The following RAB31 variants were observed in gnomAD, a reference collection of about 807,000 sequenced individuals.
The protein encoded by RAB31 is RAB31, member RAS oncogene family.
RAB31 carries 21 observed loss-of-function variants against 25.6 expected under a neutral mutation model. That is an observed-to-expected ratio of 0.82 (90% confidence interval 0.58 to 1.18). RAB31 has a LOEUF of 1.18. RAB31 is among the 50% of genes most tolerant of loss of function. The pLI, the probability that RAB31 is intolerant of heterozygous loss-of-function variation, is 0.00. For missense variants in RAB31, 196 were observed against 250.1 expected (o/e 0.78, Z 1.46); for synonymous variants, 87 against 84.0 (o/e 1.04, Z -0.20).
chr18:9,805,403 A>T (rs77652521), intron 3 of RAB31, among the ~76,000 whole-genome samples: 24 of 152,156 alleles, frequency 1.6e-4, no homozygotes, highest in Non-Finnish European at 2.5e-4. Flanking sequence ...GACCACTCGC[A>T]TTCCTTGGCT....
intron 5 of RAB31, among the ~76,000 whole-genome samples, chr18:9,830,160 C>A (rs2143106137): frequency 6.6e-6 from 1 of 151,936 alleles, no homozygotes; most frequent in Non-Finnish European, 1.5e-5. Flanking sequence ...ACCACCATAC[C>A]CAGCTAATTT....
At chr18:9,788,510 T>C (rs185340795) in intron 2 of RAB31, among the ~76,000 whole-genome samples, 1 of 152,310 alleles carries the variant, frequency 6.6e-6, no homozygotes, top group East Asian at 1.9e-4. Flanking sequence ...TCAACAAAGC[T>C]AAAAATAGAA....
chr18:9,846,204 T>C (rs2143136722), intron 6 of RAB31, among the ~76,000 whole-genome samples: 1 of 152,268 alleles, frequency 6.6e-6, no homozygotes, highest in East Asian at 1.9e-4. Flanking sequence ...GTGAGCTAAT[T>C]AGGGAGGGTG....
At chr18:9,753,983 G>A (rs773261919) in intron 1 of RAB31, among the ~76,000 whole-genome samples, 4 of 149,908 alleles carry the variant, frequency 2.7e-5, no homozygotes, top group African/African-American at 4.9e-5. Context: ...TTCCAAGCCC[G>A]AGAAAAACTA....
Position 9,708,593 on chromosome 18 carries a change from G to A in RAB31, c.39+149G>A. The A allele has an allele frequency of 1.6e-6, 1 of 632,912 alleles. No homozygotes were observed. Among genetic ancestry groups the A allele is most frequent in the Non-Finnish European group, 2.4e-6 (1 of 410,256 alleles). 39.2% of individuals were successfully genotyped at this position (632,912 alleles called of 1,614,324 possible). A position where few individuals can be genotyped will look rare whatever the true frequency, so the allele number is the denominator to read the frequency against. On this transcript the variant is annotated intron_variant, in intron 1 of 6. Transcript: ENST00000578921. The surrounding 1 kb of genome is among the most constrained non-coding windows in gnomAD (Gnocchi z 6.4). ...CGTCCCCCTCGTCCGCGCGCCCCCT[G>A]GTTCCCCGGGTCCCCCTGGCTCCCC...
intron 3 of RAB31, among the ~76,000 whole-genome samples, chr18:9,798,520 G>A (rs1164220878): frequency 6.6e-6 from 1 of 152,148 alleles, no homozygotes; most frequent in Non-Finnish European, 1.5e-5. Context: ...TCATAGAAAT[G>A]TTATTGTTCT....
chr18:9,796,129 T>C lies in RAB31; in HGVS notation c.201+3894T>C, dbSNP rs565863261. ...TTGGAGACCATTATTCTAAATGAAG[T>C]AACATACTAAACATCGTATGTTATC... On this transcript the variant is annotated intron_variant, in intron 3 of 6. Coordinates refer to ENST00000578921, the MANE Select transcript of RAB31 (RefSeq NM_006868.4). Among the ~76,000 whole-genome samples the C allele has an allele frequency of 3.9e-5, 6 of 152,330 alleles. No homozygotes were observed. In the South Asian group the frequency reaches 1.2e-3, roughly 32 times the overall value.
At chr18:9,715,528 C>CTTTTTT (rs1161797158) in intron 1 of RAB31, among the ~76,000 whole-genome samples, 1 of 128,196 alleles carries the variant, frequency 7.8e-6, no homozygotes, top group Non-Finnish European at 1.6e-5. Flanking sequence ...CTCTCTCTCT[C>CTTTTTT]TTTTTTTTTT....
intron 2 of RAB31, among the ~76,000 whole-genome samples, chr18:9,789,815 G>A (rs1452917184): frequency 6.6e-6 from 1 of 152,126 alleles, no homozygotes; most frequent in Non-Finnish European, 1.5e-5. Flanking sequence ...AATAGATGTG[G>A]TTTTGATACT....
intron 1 of RAB31, among the ~76,000 whole-genome samples, chr18:9,742,230 A>G (rs899562261): frequency 3.9e-5 from 6 of 152,190 alleles, no homozygotes; most frequent in African/African-American, 1.4e-4. Flanking sequence ...ATTGCAGCGC[A>G]GAGTTGGTGG....
chr18:9,849,196 T>C (rs1315419170), intron 6 of RAB31, among the ~76,000 whole-genome samples: 1 of 152,182 alleles, frequency 6.6e-6, no homozygotes, highest in Non-Finnish European at 1.5e-5. Flanking sequence ...ACTTTTGGTT[T>C]GTTCTGCCAT....
chr18:9,787,738 A>G (rs1217325317), intron 2 of RAB31: 2 of 152,810 alleles, frequency 1.3e-5, no homozygotes, highest in Non-Finnish European at 1.5e-5. Context: ...AATTGACATC[A>G]GAGAGTCCAT....
At chr18:9,764,629 G>C (rs2068305741) in intron 1 of RAB31, among the ~76,000 whole-genome samples, 1 of 152,138 alleles carries the variant, frequency 6.6e-6, no homozygotes, top group South Asian at 2.1e-4. Flanking sequence ...TGTTTTTGTG[G>C]CTTCCATGCC....
chr18:9,783,686 C>T (rs1215046469), intron 2 of RAB31, among the ~76,000 whole-genome samples: 3 of 152,024 alleles, frequency 2.0e-5, no homozygotes, highest in Non-Finnish European at 4.4e-5. Flanking sequence ...AAATGTACTA[C>T]TACAAAAGTT....
At chr18:9,822,826 G>T (rs1041507353) in intron 5 of RAB31, among the ~76,000 whole-genome samples, 9 of 152,142 alleles carry the variant, frequency 5.9e-5, no homozygotes, top group African/African-American at 1.9e-4. Flanking sequence ...ATGCAAAATG[G>T]CACAGCCACT....
At chr18:9,725,697 A>C (rs1369499825) in intron 1 of RAB31, among the ~76,000 whole-genome samples, 3 of 152,268 alleles carry the variant, frequency 2.0e-5, no homozygotes, top group Non-Finnish European at 4.4e-5. Flanking sequence ...ATTTTATTGA[A>C]TAATTTGAAC....
intron 1 of RAB31, among the ~76,000 whole-genome samples, chr18:9,760,157 CT>C (rs1403907407): frequency 7.3e-5 from 4 of 54,792 alleles, no homozygotes; most frequent in South Asian, 1.6e-3. Context: ...GCTTCTCTTT[CT>C]TTTCTTTTTG....
chr18:9,840,489 T>C (rs958563654), intron 5 of RAB31, among the ~76,000 whole-genome samples: 10 of 152,202 alleles, frequency 6.6e-5, no homozygotes, highest in African/African-American at 2.4e-4. Flanking sequence ...TGGCCTCTCC[T>C]GAAGTGCAGC....
intron 5 of RAB31, among the ~76,000 whole-genome samples, chr18:9,843,928 T>C (rs959760532): frequency 1.3e-5 from 2 of 152,202 alleles, no homozygotes; most frequent in African/African-American, 4.8e-5. Context: ...TAGAATTTCC[T>C]TGGTAACTTT....
Sources: gnomAD v4.1 joint callset for allele counts (sites outside exome capture counted in the v4.1 genomes callset) on GRCh38, gnomAD v4.1.1 for gene constraint, Gnocchi (gnomAD v3.1) non-coding constraint, MANE v1.5 for transcripts, NCBI Gene and HGNC (gene_info 2026-07-23, HGNC 2026-07-21) for gene names.